The following GSE1 variants were observed in gnomAD, a reference collection of about 807,000 sequenced individuals.
GSE1 encodes genetic suppressor element 1.
A neutral mutation model predicts 112.6 loss-of-function variants in GSE1; 32 were observed. The ratio of observed to expected loss-of-function variants is 0.28; its 90% CI spans 0.21 to 0.38. The LOEUF is 0.38. Ranked by LOEUF, GSE1 falls within the 10% of genes least tolerant of loss-of-function variation. The pLI, the probability that GSE1 is intolerant of heterozygous loss-of-function variation, is 1.00. For missense variants in GSE1, 2,348 were observed against 1,699.2 expected (o/e 1.38, Z -6.71); for synonymous variants, 1,115 against 735.6 (o/e 1.52, Z -8.35).
rs373535775 is a variant in GSE1, at chr16:85,189,308, A to G, written c.2283+17501A>G. ...TCATGTTGTCTTCTGATTGACTCAT[A>G]TGTGTAAGCCCTGTTTCTCCAACTA... On this transcript the variant is annotated intron_variant, in intron 1 of 2. Transcript: ENST00000637419. Among the ~76,000 whole-genome samples the G allele has an allele frequency of 6.9e-4, 105 of 152,018 alleles. No homozygotes were observed. In the South Asian group the frequency reaches 0.013, roughly 20 times the overall value.
chr16:85,546,694 G>T (rs1197596082), intron 2 of GSE1, among the ~76,000 whole-genome samples: 1 of 152,246 alleles, frequency 6.6e-6, no homozygotes, highest in Non-Finnish European at 1.5e-5. Flanking sequence ...GACGCGGCCA[G>T]TGATTCCTTC....
intron 2 of GSE1, among the ~76,000 whole-genome samples, chr16:85,462,380 T>C (rs1288484611): frequency 6.6e-6 from 1 of 151,870 alleles, no homozygotes; most frequent in Non-Finnish European, 1.5e-5. Flanking sequence ...GCTTGTTGGT[T>C]GGTTGCCTGC....
intron 1 of GSE1, among the ~76,000 whole-genome samples, chr16:85,240,750 G>T (rs182826933): frequency 1.3e-5 from 2 of 152,342 alleles, no homozygotes; most frequent in African/African-American, 2.4e-5. Context: ...ACAGTTGAGG[G>T]TGTCAGAATG....
chr16:85,257,827 G>A (rs191754342), intron 1 of GSE1, among the ~76,000 whole-genome samples: 1 of 152,340 alleles, frequency 6.6e-6, no homozygotes, highest in African/African-American at 2.4e-5. Flanking sequence ...AAGAGAAAAG[G>A]AGAGAAGAGA....
chr16:85,247,523 A>G (rs1004293022), intron 1 of GSE1, among the ~76,000 whole-genome samples: 6 of 152,162 alleles, frequency 3.9e-5, no homozygotes, highest in African/African-American at 1.4e-4. Context: ...TGCTCCTCAG[A>G]GGAGGCCTGG....
intron 13 of GSE1, among the ~76,000 whole-genome samples, chr16:85,667,798 C>A (rs2052993970): frequency 6.6e-6 from 1 of 152,148 alleles, no homozygotes; most frequent in Non-Finnish European, 1.5e-5. Context: ...GGGGAAGTTG[C>A]AGTGAGCCGA....
chr16:85,508,698 G>T (rs1219203804), intron 2 of GSE1, among the ~76,000 whole-genome samples: 1 of 152,234 alleles, frequency 6.6e-6, no homozygotes, highest in African/African-American at 2.4e-5. Context: ...TGCTGCTTGT[G>T]CTCAGTATGC....
intron 1 of GSE1, among the ~76,000 whole-genome samples, chr16:85,585,496 C>A (rs1022218123): frequency 1.3e-5 from 2 of 152,204 alleles, no homozygotes; most frequent in African/African-American, 4.8e-5. Flanking sequence ...GCCTACGTTT[C>A]TCCAAACACT....
intron 1 of GSE1, among the ~76,000 whole-genome samples, chr16:85,310,562 C>T (rs2045811211): frequency 6.6e-6 from 1 of 150,866 alleles, no homozygotes; most frequent in South Asian, 2.1e-4. Flanking sequence ...CTGTCACCTG[C>T]CCACTGCCCT....
At chr16:85,378,978 T>C (rs4783176) in intron 2 of GSE1, among the ~76,000 whole-genome samples, 134,487 of 152,196 alleles carry the variant, frequency 0.88, 61,895 homozygotes, top group East Asian at 1. Flanking sequence ...GTTCAGATCC[T>C]GGCTCTGGGT....
At chr16:85,528,265 T>C (rs759423792) in intron 2 of GSE1, among the ~76,000 whole-genome samples, 2 of 152,168 alleles carry the variant, frequency 1.3e-5, no homozygotes, top group Non-Finnish European at 1.5e-5. Flanking sequence ...GGGGAAGATA[T>C]AAAAGAGTAA....
chr16:85,654,526 C>T (rs1318398733), intron 4 of GSE1, 76 bp downstream of exon 4: 4 of 1,296,952 alleles, frequency 3.1e-6, no homozygotes, highest in Non-Finnish European at 2.2e-6. Flanking sequence ...CCCCAGGCAG[C>T]CTGCGGTCTG....
intron 2 of GSE1, among the ~76,000 whole-genome samples, chr16:85,403,605 C>A (rs888130702): frequency 1.3e-5 from 2 of 151,860 alleles, no homozygotes; most frequent in Non-Finnish European, 2.9e-5. Context: ...GCCTGGGCAA[C>A]ATAGTGAAAC....
At chr16:85,209,388 T>C (rs1216649587) in intron 1 of GSE1, among the ~76,000 whole-genome samples, 2 of 152,156 alleles carry the variant, frequency 1.3e-5, no homozygotes, top group East Asian at 1.9e-4. Context: ...CTGGCTCCCG[T>C]GCCCCCGCCC....
intron 1 of GSE1, among the ~76,000 whole-genome samples, chr16:85,574,671 C>G (rs2151351767): frequency 6.6e-6 from 1 of 152,376 alleles, no homozygotes; most frequent in South Asian, 2.1e-4. Context: ...CAAGAAGGCG[C>G]TGGTGTGGAA....
At chr16:85,306,520 A>C (rs1040710782) in intron 1 of GSE1, among the ~76,000 whole-genome samples, 1 of 152,210 alleles carries the variant, frequency 6.6e-6, no homozygotes, top group Non-Finnish European at 1.5e-5. Context: ...AAAGGCTTTG[A>C]GTCAGTAGGG....
intron 1 of GSE1, among the ~76,000 whole-genome samples, chr16:85,576,956 G>A (rs939194289): frequency 6.6e-6 from 1 of 152,174 alleles, no homozygotes; most frequent in Non-Finnish European, 1.5e-5. Context: ...CTGAATGCAG[G>A]CCCTGCATGG....
intron 2 of GSE1, among the ~76,000 whole-genome samples, chr16:85,507,459 T>C (rs879056743): frequency 1.3e-5 from 2 of 152,336 alleles, no homozygotes; most frequent in Admixed American, 1.3e-4. Flanking sequence ...TACTCGCCCT[T>C]GCCCAGTGGG....
intron 1 of GSE1, among the ~76,000 whole-genome samples, chr16:85,334,794 A>T (rs2046448521): frequency 6.6e-6 from 1 of 152,244 alleles, no homozygotes; most frequent in African/African-American, 2.4e-5. Flanking sequence ...ATTCTGAGAA[A>T]CTGCGGAGCC....
Sources: gnomAD v4.1 joint callset for allele counts (sites outside exome capture counted in the v4.1 genomes callset) on GRCh38, gnomAD v4.1.1 for gene constraint, MANE v1.5 for transcripts, NCBI Gene and HGNC (gene_info 2026-07-23, HGNC 2026-07-21) for gene names.